The following TEX29 variants were observed in gnomAD, a reference collection of about 807,000 sequenced individuals.
TEX29 encodes the protein testis-expressed protein 29.
TEX29 carries 26 observed loss-of-function variants against 18.2 expected under a neutral mutation model. The observed-to-expected ratio is 1.43, with a 90% CI of 1.04 to 1.98. The LOEUF (loss-of-function observed/expected upper bound fraction) is 1.98. Ranked by LOEUF, TEX29 falls within the 30% of genes most tolerant of loss-of-function variation. TEX29 has a pLI of 0.00. For missense variants in TEX29, 177 were observed against 194.2 expected, an observed-to-expected ratio of 0.91 and a Z score of 0.53; for synonymous variants, 83 against 78.5, an observed-to-expected ratio of 1.06 and a Z score of -0.31.
chr13:111,328,305 C>T lies in TEX29; in HGVS notation c.169+12C>T. The stretch of plus-strand genomic sequence containing the variant: ...GAAAGCGGTTCCCAGTGAGTAGACG[C>T]CCCGGCCACCCCGTGGCGGAAGCCG... On this transcript the variant is annotated intron_variant, in intron 3 of 5. Coordinates refer to ENST00000283547, the MANE Select transcript of TEX29 (RefSeq NM_152324.3). 6.3e-7 allele frequency: 1 copy of T among 1,593,014 alleles called. No homozygotes were observed. Among genetic ancestry groups the T allele is most frequent in the African/African-American group, 1.3e-5 (1 of 74,670 alleles).
chr13:111,340,003 C>A, intron 4 of TEX29, 71 bp downstream of exon 4: 4 of 1,457,862 alleles, frequency 2.7e-6, no homozygotes, highest in Non-Finnish European at 3.8e-6. Context: ...CAGCTTCCTG[C>A]CTGCCTGGGC....
At chr13:111,320,988 G>GGGGGGCC in intron 2 of TEX29, 40 bp downstream of exon 2, 1 of 431,436 alleles carries the variant, frequency 2.3e-6, no homozygotes, top group Non-Finnish European at 4.3e-6. Flanking sequence ...TGGGGTGGGG[G>GGGGGGCC]AGCAGTTGGG....
At chr13:111,336,884 C>T (rs1271070433) in intron 3 of TEX29, among the ~76,000 whole-genome samples, 4 of 152,130 alleles carry the variant, frequency 2.6e-5, no homozygotes, top group Middle Eastern at 3.2e-3. Context: ...CGACAAAGAA[C>T]GTGAGCACGT....
intron 3 of TEX29, among the ~76,000 whole-genome samples, chr13:111,336,676 T>C (rs904139201): frequency 1.3e-4 from 20 of 152,260 alleles, no homozygotes; most frequent in African/African-American, 2.4e-5. Context: ...TGTTTAACTA[T>C]ATTTTGGGAA....
intron 2 of TEX29, 56 bp downstream of exon 2, chr13:111,321,004 G>GT: frequency 1.8e-6 from 1 of 545,392 alleles, no homozygotes; most frequent in South Asian, 1.9e-5. Context: ...TTGGGGGGGG[G>GT]CACAGGGAGG....
At chr13:111,323,754 C>T (rs559907928) in intron 2 of TEX29, among the ~76,000 whole-genome samples, 1 of 152,222 alleles carries the variant, frequency 6.6e-6, no homozygotes, top group South Asian at 2.1e-4. Context: ...CGCCCCAGAT[C>T]CCCATCCGTG....
chr13:111,339,301 G>A (rs759779205), intron 3 of TEX29: 5 of 454,896 alleles, frequency 1.1e-5, no homozygotes, highest in Non-Finnish European at 2.2e-5. Flanking sequence ...CAGTTTAGGG[G>A]AGGAATTGAC....
chr13:111,337,321 GTCACC>G (rs1053296047), intron 3 of TEX29, among the ~76,000 whole-genome samples: 21 of 152,274 alleles, frequency 1.4e-4, no homozygotes, highest in African/African-American at 4.8e-4. Context: ...TGAGGCTGCA[GTCACC>G]TGAAATCTTG....
At chr13:111,320,023 C>A (rs1358321962), upstream of TEX29, among the ~76,000 whole-genome samples, 1 of 152,232 alleles carries the variant, frequency 6.6e-6, no homozygotes, top group Non-Finnish European at 1.5e-5. Context: ...TGGTTTCATG[C>A]CCTGCCCTCC....
chr13:111,321,911 G>A (rs1415547595), intron 2 of TEX29, among the ~76,000 whole-genome samples: 1 of 152,202 alleles, frequency 6.6e-6, no homozygotes, highest in Non-Finnish European at 1.5e-5. Flanking sequence ...GCGACAAAGC[G>A]AGACTCCGCC....
At chr13:111,321,053 C>G (rs2093663716) in intron 2 of TEX29, 105 bp downstream of exon 2, 1 of 1,314,536 alleles carries the variant, frequency 7.6e-7, no homozygotes, top group Non-Finnish European at 1.1e-6. Context: ...GGGTCCTGGT[C>G]CCAGACCTGG....
At position 111,320,660 on chromosome 13, in the gene TEX29, AG is replaced by A; in HGVS notation, c.-133del. The stretch of plus-strand genomic sequence containing the variant: ...ACAGTCCATAGTGAGCGGCAGACAG[AG>A]GGGTGGCCAGTTTGTTGTTTTACCT... On this transcript the variant is annotated 5_prime_UTR_variant, in exon 1 of 6. Transcript: ENST00000283547. 3.4e-6 allele frequency: 2 copies of A among 590,774 alleles called. No individual in the cohort carries two copies. Among genetic ancestry groups the A allele is most frequent in the Non-Finnish European group, 6.1e-6 (2 of 328,244 alleles). 36.6% of individuals were successfully genotyped at this position (590,774 alleles called of 1,614,324 possible).
intron 3 of TEX29, among the ~76,000 whole-genome samples, chr13:111,328,520 T>C (rs2093677806): frequency 6.6e-6 from 1 of 152,132 alleles, no homozygotes; most frequent in Admixed American, 6.5e-5. Flanking sequence ...AGGGGTTCCA[T>C]TCCCAGATGG....
chr13:111,320,396 G>A (rs1375263631), upstream of TEX29, among the ~76,000 whole-genome samples: 1 of 152,242 alleles, frequency 6.6e-6, no homozygotes, highest in Non-Finnish European at 1.5e-5. Context: ...CAGGCTTGGT[G>A]GGCAAGGGGC....
At chr13:111,321,002 G>GA (rs981955600) in intron 2 of TEX29, 54 bp downstream of exon 2, 3 of 723,266 alleles carry the variant, frequency 4.1e-6, no homozygotes, top group East Asian at 8.1e-5. Flanking sequence ...AGTTGGGGGG[G>GA]GGCACAGGGA....
At chr13:111,343,992 A>C (rs1427297779) in intron 5 of TEX29, 91 bp from the exon 6 acceptor site, 1 of 1,077,510 alleles carries the variant, frequency 9.3e-7, no homozygotes, top group Non-Finnish European at 1.4e-6. Context: ...ATCAGACACC[A>C]TGTAGATGGG....
At position 111,328,249 on chromosome 13, in the gene TEX29, G is replaced by A; in HGVS notation, c.125G>A (p.Gly42Glu). ...TCCAGGGACCGATGCCAGGAGCTCG[G>A]GTGCTGCTTCTACGAAGGCGTCTGC... ...NVSRDRCQELGCCFYEGVCYK... is the reference protein window; with the variant it reads ...NVSRDRCQELECCFYEGVCYK... Residue 42 changes from glycine to glutamate, a missense_variant, in exon 3 of 6, where the codon GGG (glycine) becomes GAG (glutamate). Coordinates refer to ENST00000283547, the MANE Select transcript of TEX29 (RefSeq NM_152324.3). The A allele has an allele frequency of 2.5e-6, 4 of 1,614,048 alleles. No homozygotes were observed. Among genetic ancestry groups the A allele is most frequent in the Non-Finnish European group, 3.4e-6 (4 of 1,180,026 alleles).
At chr13:111,331,261 CATT>C (rs2093682227) in intron 3 of TEX29, among the ~76,000 whole-genome samples, 1 of 149,276 alleles carries the variant, frequency 6.7e-6, no homozygotes, top group Non-Finnish European at 1.5e-5. Flanking sequence ...AGTTGTATCT[CATT>C]GTGGTTTTGA....
intron 3 of TEX29, among the ~76,000 whole-genome samples, chr13:111,333,881 C>T (rs1200033939): frequency 6.6e-6 from 1 of 152,212 alleles, no homozygotes; most frequent in East Asian, 1.9e-4. Flanking sequence ...AACCACCTCC[C>T]ACCAGGTCCC....
Sources: allele counts gnomAD v4.1 joint callset (sites outside exome capture counted in the v4.1 genomes callset), GRCh38; gene constraint gnomAD v4.1.1; transcripts MANE v1.5; gene names NCBI Gene and HGNC (gene_info 2026-07-23, HGNC 2026-07-21).